The following SPAG5 variants were observed in gnomAD, a reference collection of about 807,000 sequenced individuals.
SPAG5 encodes the protein sperm-associated antigen 5.
SPAG5 carries 99 observed loss-of-function variants against 145.4 expected under a neutral mutation model. The observed-to-expected ratio is 0.68, with a 90% CI of 0.58 to 0.80. The LOEUF (loss-of-function observed/expected upper bound fraction) is 0.80. Ranked by LOEUF, SPAG5 falls within the 30% of genes least tolerant of loss-of-function variation. SPAG5 has a pLI of 0.00. For missense variants in SPAG5, 1,192 were observed against 1,416.0 expected (o/e 0.84, Z 2.54); for synonymous variants, 477 against 525.4 (o/e 0.91, Z 1.26).
chr17:28,591,599 G>A, intron 4 of SPAG5, 99 bp downstream of exon 4: 2 of 1,098,810 alleles, frequency 1.8e-6, no homozygotes, highest in Non-Finnish European at 2.6e-6. Flanking sequence ...CTAAGTATAA[G>A]CCTGTGATAG....
chr17:28,590,917 G>A (rs2070617196), intron 4 of SPAG5, among the ~76,000 whole-genome samples: 1 of 144,062 alleles, frequency 6.9e-6, no homozygotes, highest in African/African-American at 2.5e-5. Context: ...TGGATTGCTT[G>A]TAACACAAAG....
intron 15 of SPAG5, among the ~76,000 whole-genome samples, chr17:28,581,247 T>G (rs2070547404): frequency 6.6e-6 from 1 of 152,150 alleles, no homozygotes; most frequent in South Asian, 2.1e-4. Flanking sequence ...CCAAAAATAC[T>G]TATTATATGG....
At chr17:28,586,256 ACCGCTAAC>A in intron 5 of SPAG5, 74 bp from the exon 6 acceptor site, 1 of 1,352,492 alleles carries the variant, frequency 7.4e-7, no homozygotes, top group Non-Finnish European at 1.1e-6. Flanking sequence ...GGGGAGGAAA[ACCGCTAAC>A]CCCAATTCCA....
rs557246685 is a variant in SPAG5 at position 28,578,376 on chromosome 17, C to T, written c.3351G>A (p.Gln1117=). Residue 1117 remains glutamine, a synonymous_variant, in exon 21 of 24, where the codon CAG becomes CAA. Transcript: ENST00000321765. Reference sequence around the variant, plus strand: ...TCCTCTGTTAACTCTGAGTCACCTCCTGAGAGAGCCACACTTTCTCCTGGA... The same window carrying T: ...TCCTCTGTTAACTCTGAGTCACCTCTTGAGAGAGCCACACTTTCTCCTGGA... ...NWIQEKVWLS[Q]EVDKLRVMFL... 2.1e-4 allele frequency: 338 copies of T among 1,614,164 alleles called. 5 individuals are homozygous for T. The South Asian group carries it at 3.6e-3, about 17-fold the overall frequency.
Position 28,591,853 on chromosome 17 carries a change from C to T in SPAG5, c.1282G>A (p.Ala428Thr), listed in dbSNP as rs185381811. 16 of 1,613,908 alleles carry T rather than the reference C, an allele frequency of 9.9e-6. No individual in the cohort carries two copies. The African/African-American group carries it at 2.1e-4, about 22-fold the overall frequency. Reference protein sequence around the residue: ...LLCGRPPDLTALSRHDLEDNL... With the variant: ...LLCGRPPDLTTLSRHDLEDNL... Reference sequence around the variant, plus strand: ...TCTTCCAAGTCATGTCGAGACAAGGCAGTCAGATCTGGAGGCCGGCTGCAG... The same window carrying T: ...TCTTCCAAGTCATGTCGAGACAAGGTAGTCAGATCTGGAGGCCGGCTGCAG... The change falls in exon 4 of 24, where the codon GCC becomes ACC. Residue 428 changes from alanine (A) to threonine (T), a missense_variant. Transcript: ENST00000321765.
intron 8 of SPAG5, 56 bp downstream of exon 8, chr17:28,585,478 A>G: frequency 6.2e-7 from 1 of 1,613,504 alleles, no homozygotes; most frequent in Non-Finnish European, 8.5e-7. Context: ...GGAGTATGCA[A>G]CTACCCTCCC....
At chr17:28,578,562 C>T in intron 20 of SPAG5, 34 bp from the exon 21 acceptor site, 9 of 1,609,564 alleles carry the variant, frequency 5.6e-6, no homozygotes, top group Non-Finnish European at 6.8e-6. Context: ...TCCAATAGGA[C>T]ATAAGGATAG....
Position 28,579,254 on chromosome 17 carries a change from T to A in SPAG5, c.3006-2A>T, listed in dbSNP as rs2070532287. The A allele has an allele frequency of 6.2e-7, 1 of 1,613,984 alleles. No homozygotes were observed. The highest frequency in any genetic ancestry group is 1.3e-5 in the African/African-American group (1 of 74,938). On this transcript the variant is annotated splice_acceptor_variant, in intron 18 of 23. Transcript: ENST00000321765. LOFTEE classifies it high-confidence loss of function. ...TGCAGCCTAGCTTGCAGCTCACAAC[T>A]GAAGGAAGGAAGAATTTAGCAACAT...
chr17:28,598,404 A>C (rs2070683457), intron 2 of SPAG5, 106 bp downstream of exon 2: 3 of 1,359,716 alleles, frequency 2.2e-6, no homozygotes, highest in Non-Finnish European at 3.0e-6. Flanking sequence ...ACCGACGTAG[A>C]AGACTTCATT....
intron 21 of SPAG5, 29 bp downstream of exon 21, chr17:28,578,344 G>A: frequency 6.2e-7 from 1 of 1,614,100 alleles, no homozygotes. Context: ...CCCACCTGCT[G>A]TCCAGCTCCT....
intron 1 of SPAG5, 126 bp from the exon 2 acceptor site, chr17:28,598,761 G>A: frequency 6.6e-7 from 1 of 1,512,778 alleles, no homozygotes; most frequent in Non-Finnish European, 9.1e-7. Flanking sequence ...AGTCGCGCAG[G>A]AGCAGCAAGG....
chr17:28,585,948 T>C lies in SPAG5; in HGVS notation c.1656A>G (p.Lys552=), dbSNP rs1245041871. 1.2e-6 allele frequency: 2 copies of C among 1,614,132 alleles called. No homozygotes were observed. The highest frequency in any genetic ancestry group is 1.7e-6 in the Non-Finnish European group (2 of 1,180,058). ...TGAGGCTCTGGAGCTTTGCCCTCAATTTCTTCAGCAAATCAAAACAGCAAC... is the reference window on the plus strand; with the variant it reads ...TGAGGCTCTGGAGCTTTGCCCTCAACTTCTTCAGCAAATCAAAACAGCAAC... ...LVCCCFDLLK[K]LRAKLQSLKA... The change falls in exon 7 of 24, where the codon AAA becomes AAG. Residue 552 remains lysine, a synonymous_variant. Transcript: ENST00000321765.
intron 3 of SPAG5, 22 bp from the exon 4 acceptor site, chr17:28,591,894 A>G (rs752670983): frequency 2.3e-5 from 37 of 1,611,664 alleles, no homozygotes; most frequent in South Asian, 9.9e-5. Flanking sequence ...AGAGAAGAAC[A>G]TGACGAAAAG....
rs1442076978 is a variant in SPAG5, at chr17:28,592,034, C to G, written c.1210G>C (p.Gly404Arg). 6.2e-7 allele frequency: 1 copy of G among 1,614,046 alleles called. No individual in the cohort carries two copies. ...GTACTGTGCTTGGTGCCAACCAGGC[C>G]TGTCTGGGATGTGTTTGTACTCTTT... ...QEKSTNTSQTGLVGTKHSTSE... is the reference protein window; with the variant it reads ...QEKSTNTSQTRLVGTKHSTSE... Residue 404 changes from glycine (G) to arginine (R), a missense_variant, in exon 3 of 24, where the codon GGC becomes CGC. Gly to Arg is a moderately radical substitution (Grantham distance 125). Transcript: ENST00000321765.
chr17:28,595,190 A>G (rs1248419239), intron 2 of SPAG5, among the ~76,000 whole-genome samples: 2 of 150,466 alleles, frequency 1.3e-5, no homozygotes, highest in African/African-American at 4.9e-5. Context: ...TCTGGGAAGC[A>G]GAGGTTGCAG....
At chr17:28,594,028 A>G (rs1298644005) in intron 2 of SPAG5, among the ~76,000 whole-genome samples, 1 of 152,124 alleles carries the variant, frequency 6.6e-6, no homozygotes, top group East Asian at 1.9e-4. Context: ...GAAAAAGCTA[A>G]GAGAATTAGA....
At position 28,577,598 on chromosome 17, in the gene SPAG5, T is replaced by C. The variant is rs910197680; in HGVS notation, c.*101A>G. 2 of 798,690 alleles carry C rather than the reference T, an allele frequency of 2.5e-6. No individual in the cohort carries two copies. Among genetic ancestry groups the C allele is most frequent in the Admixed American group, 2.0e-5 (1 of 49,246 alleles). The allele number at this position is 798,690 out of a possible 1,614,324, so 49.5% of individuals were successfully genotyped here. A position where few individuals can be genotyped will look rare whatever the true frequency, so the allele number is the denominator to read the frequency against. On this transcript the variant is annotated 3_prime_UTR_variant, in exon 24 of 24. Coordinates refer to ENST00000321765, the MANE Select transcript of SPAG5 (RefSeq NM_006461.4). ...ATTCATTAAATACACTTTATTTAAA[T>C]AGCATTTATCTCAGTTGGCTCTATG...
chr17:28,577,590 TATTTAAATAGC>T lies in SPAG5; in HGVS notation c.*98_*108del. ...TTGGAGAAATTCATTAAATACACTTTATTTAAATAGCATTTATCTCAGTTGGCTCTATGCCA... is the reference window on the plus strand; with the variant it reads ...TTGGAGAAATTCATTAAATACACTTTATTTATCTCAGTTGGCTCTATGCCA... On this transcript the variant is annotated 3_prime_UTR_variant, in exon 24 of 24. Coordinates refer to ENST00000321765, the MANE Select transcript of SPAG5 (RefSeq NM_006461.4). The T allele has an allele frequency of 1.3e-6, 1 of 772,794 alleles. No homozygotes were observed. 47.9% of individuals were successfully genotyped at this position (772,794 alleles called of 1,614,324 possible).
In SPAG5 at chr17:28,592,064, G is replaced by A; in HGVS notation, c.1180C>T (p.Gln394Ter). The A allele has an allele frequency of 6.2e-7, 1 of 1,614,172 alleles. No individual in the cohort carries two copies. The highest frequency in any genetic ancestry group is 8.5e-7 in the Non-Finnish European group (1 of 1,180,028). ...VGTWFTPSAP[Q>*]EKSTNTSQTG... ...TGGGATGTGTTTGTACTCTTTTCCT[G>A]TGGTGCTGAAGGAGTAAACCAAGTC... Residue 394 changes from glutamine (Q) to a stop codon, truncating the protein, a stop_gained, in exon 3 of 24, where the codon CAG (glutamine) becomes TAG (stop). Coordinates refer to ENST00000321765, the MANE Select transcript of SPAG5 (RefSeq NM_006461.4). LOFTEE classifies it high-confidence loss of function.
Sources: gnomAD v4.1 joint callset for allele counts (sites outside exome capture counted in the v4.1 genomes callset) on GRCh38, gnomAD v4.1.1 for gene constraint, MANE v1.5 for transcripts, NCBI Gene and HGNC (gene_info 2026-07-23, HGNC 2026-07-21) for gene names.